SLC6A8: variants seen among roughly 807,000 people sequenced by gnomAD.
The protein encoded by SLC6A8 is solute carrier family 6 member 8.
Under a neutral mutation model 48.3 loss-of-function variants are expected in SLC6A8, and 6 were observed. That is an observed-to-expected ratio of 0.12 (90% confidence interval 0.07 to 0.25). The LOEUF is 0.25. SLC6A8 is among the 10% of genes least tolerant of loss of function. The pLI is 1.00. For missense variants in SLC6A8, 260 were observed against 551.5 expected (o/e 0.47, Z 5.29); for synonymous variants, 245 against 244.0 (o/e 1.00, Z -0.04).
rs2091473846 is a variant in SLC6A8, at chrX:153,694,115, C to T, written c.1255-15C>T. 1.7e-6 allele frequency: 2 copies of T among 1,210,004 alleles called. No individual in the cohort carries two copies. The highest frequency in any genetic ancestry group is 2.2e-6 in the Non-Finnish European group (2 of 894,325). ...AGGGCGGTGCGGGGCTCGGCCTGAG[C>T]TGCCCTGGCCACAGTTTGTAGGTGT... On this transcript the variant is annotated splice_polypyrimidine_tract_variant and intron_variant, in intron 8 of 12. Coordinates refer to ENST00000253122, the MANE Select transcript of SLC6A8 (RefSeq NM_005629.4).
chrX:153,690,892 ACC>A (rs34305716), intron 2 of SLC6A8: 16 of 173,728 alleles, frequency 9.2e-5, no homozygotes, highest in South Asian at 1.9e-4. Flanking sequence ...GCGACTAGAA[ACC>A]CCCCCCCCCC....
intron 1 of SLC6A8, chrX:153,689,462 C>T (rs1255885034): frequency 4.2e-6 from 1 of 240,635 alleles, no homozygotes; most frequent in Non-Finnish European, 5.3e-6. Context: ...CAGCGATGGG[C>T]ACGCGTGTGT....
At chrX:153,690,099 C>G (rs1179604262) in intron 1 of SLC6A8, among the ~76,000 whole-genome samples, 3 of 113,196 alleles carry the variant, frequency 2.7e-5, no homozygotes, top group African/African-American at 9.6e-5. Context: ...TGGCCATCGC[C>G]CCAAGTGACC....
chrX:153,695,029 G>A (rs377157422), intron 12 of SLC6A8, 45 bp from the exon 13 acceptor site: 104 of 1,176,939 alleles, frequency 8.8e-5, no homozygotes, highest in Non-Finnish European at 1.2e-4. Flanking sequence ...CCGTGGGGAC[G>A]AGCAGGTGAC....
intron 2 of SLC6A8, 92 bp from the exon 3 acceptor site, chrX:153,691,212 G>A: frequency 9.8e-7 from 1 of 1,021,385 alleles, no homozygotes; most frequent in South Asian, 2.0e-5. Context: ...GACAGATGGT[G>A]GGAGCACGGC....
intron 4 of SLC6A8, 116 bp from the exon 5 acceptor site, chrX:153,692,925 C>T (rs781791818): frequency 4.1e-6 from 4 of 965,003 alleles, no homozygotes; most frequent in African/African-American, 1.9e-5. Flanking sequence ...AGCCATGGCT[C>T]GGAGGACAAT....
In SLC6A8 at chrX:153,692,877, G is replaced by A. The variant is rs1381788263; in HGVS notation, c.778-164G>A. ...TTCCCCACTGCACTTGGCCAGGGCT[G>A]CCGGGGCGCAGCCTTGCCCCTAGCT... On this transcript the variant is annotated intron_variant, in intron 4 of 12. Transcript: ENST00000253122. The A allele has an allele frequency of 7.4e-6, 5 of 673,084 alleles. No homozygotes were observed. In the South Asian group the frequency reaches 9.4e-5, roughly 13 times the overall value. The allele number at this position is 673,084 out of a possible 1,213,427, so 55.5% of individuals were successfully genotyped here.
chrX:153,691,845 C>A, intron 3 of SLC6A8, 130 bp from the exon 4 acceptor site: 1 of 779,834 alleles, frequency 1.3e-6, no homozygotes, highest in Non-Finnish European at 1.9e-6. Flanking sequence ...CAGGCCCAGC[C>A]CAATTGGACA....
At chrX:153,694,664 G>A (rs2148364583) in intron 11 of SLC6A8, 31 bp downstream of exon 11, 2 of 1,198,853 alleles carry the variant, frequency 1.7e-6, no homozygotes, top group Middle Eastern at 3.1e-4. Flanking sequence ...GGCAGGGCGG[G>A]GGGCGAGGCA....
In SLC6A8 at chrX:153,688,133, G is replaced by C. The variant is rs1174284051; in HGVS notation, c.-442G>C. The stretch of plus-strand genomic sequence containing the variant: ...GGCCCCGGCCGGGGCGGGGGGCGCG[G>C]GCCACAGGCCCCTGCTCCGGCCGCC... On this transcript the variant is annotated 5_prime_UTR_variant, in exon 1 of 13. Transcript: ENST00000253122. 2.0e-5 allele frequency: 2 copies of C among 98,248 alleles called. No homozygotes were observed. Among genetic ancestry groups the C allele is most frequent in the African/African-American group, 7.3e-5 (2 of 27,345 alleles). 8.1% of individuals were successfully genotyped at this position (98,248 alleles called of 1,213,427 possible).
Position 153,688,095 on chromosome X carries a change from G to T in SLC6A8, c.-480G>T. 1 of 100,405 alleles carries T rather than the reference G, an allele frequency of 1.0e-5. No individual in the cohort carries two copies. Among genetic ancestry groups the T allele is most frequent in the South Asian group, 3.3e-4 (1 of 3,030 alleles). The allele number at this position is 100,405 out of a possible 1,213,427, so 8.3% of individuals were successfully genotyped here. A position where few individuals can be genotyped will look rare whatever the true frequency, so the allele number is the denominator to read the frequency against. ...CGCCACCGGAGTCGCGGGCCAGCCG[G>T]GCAGCCTCCGCGGGCCCCGGCCGGG... On this transcript the variant is annotated 5_prime_UTR_variant, in exon 1 of 13. Coordinates refer to ENST00000253122, the MANE Select transcript of SLC6A8 (RefSeq NM_005629.4).
At position 153,694,403 on chromosome X, in the gene SLC6A8, C is replaced by T. The variant is rs376421364; in HGVS notation, c.1452C>T (p.Leu484=). The part of the protein sequence containing the change: ...DYYSASGTTL[L]WQAFWECVVV... ...ACTCGGCCAGCGGCACCACCCTGCT[C>T]TGGCAGGCCTTTTGGGAGTGCGTGG... is the stretch of plus-strand genomic sequence containing the variant. The change falls in exon 10 of 13, where the codon CTC becomes CTT. Residue 484 remains leucine (L), a synonymous_variant. Coordinates refer to ENST00000253122, the MANE Select transcript of SLC6A8 (RefSeq NM_005629.4). The T allele has an allele frequency of 8.3e-7, 1 of 1,210,775 alleles. No individual in the cohort carries two copies. The highest frequency in any genetic ancestry group is 2.2e-5 in the Admixed American group (1 of 46,063).
At chrX:153,689,991 GCA>G (rs1376302419) in intron 1 of SLC6A8, among the ~76,000 whole-genome samples, 1 of 112,661 alleles carries the variant, frequency 8.9e-6, no homozygotes, top group Non-Finnish European at 1.9e-5. Context: ...CCCAGCCTTG[GCA>G]CACATGCACA....
At position 153,688,211 on chromosome X, in the gene SLC6A8, G is replaced by T; in HGVS notation, c.-364G>T. ...CCCGCGCCCCGCTAGGCTGAGCCTC[G>T]GGTCGGGCGAGGAGCCGCCGCAGCC... On this transcript the variant is annotated 5_prime_UTR_variant, in exon 1 of 13. Coordinates refer to ENST00000253122, the MANE Select transcript of SLC6A8 (RefSeq NM_005629.4). The T allele has an allele frequency of 1.0e-5, 1 of 100,470 alleles. No individual in the cohort carries two copies. The highest frequency in any genetic ancestry group is 3.4e-4 in the South Asian group (1 of 2,982). The allele number at this position is 100,470 out of a possible 1,213,427, so 8.3% of individuals were successfully genotyped here. A position where few individuals can be genotyped will look rare whatever the true frequency, so the allele number is the denominator to read the frequency against.
rs1240828742 is a variant in SLC6A8 at position 153,695,875 on chromosome X, T to A, written c.*661T>A. The A allele has an allele frequency of 8.1e-6, 1 of 124,054 alleles. No homozygotes were observed. Among genetic ancestry groups the A allele is most frequent in the African/African-American group, 3.2e-5 (1 of 31,081 alleles). The allele number at this position is 124,054 out of a possible 1,213,427, so 10.2% of individuals were successfully genotyped here. A position where few individuals can be genotyped will look rare whatever the true frequency, so the allele number is the denominator to read the frequency against. On this transcript the variant is annotated 3_prime_UTR_variant, in exon 13 of 13. Transcript: ENST00000253122. ...ATAGATCTCTATCTCTTAGCAAAGG[T>A]GAATGCCAGATGTAAATGGCGCCTC...
Position 153,688,735 on chromosome X carries a change from C to T in SLC6A8, c.161C>T (p.Thr54Ile). The T allele has an allele frequency of 1.8e-6, 2 of 1,137,356 alleles. No homozygotes were observed. Among genetic ancestry groups the T allele is most frequent in the Non-Finnish European group, 2.3e-6 (2 of 855,768 alleles). The allele number at this position is 1,137,356 out of a possible 1,213,427, so 93.7% of individuals were successfully genotyped here. A position where few individuals can be genotyped will look rare whatever the true frequency, so the allele number is the denominator to read the frequency against. ...CGCCTGGCCGTGCCGCCGCGCGAGA[C>T]CTGGACGCGCCAGATGGACTTCATC... is the stretch of plus-strand genomic sequence containing the variant. ...GGRLAVPPRE[T>I]WTRQMDFIMS... Residue 54 changes from threonine (T) to isoleucine (I), a missense_variant, in exon 1 of 13, where the codon ACC becomes ATC. Coordinates refer to ENST00000253122, the MANE Select transcript of SLC6A8 (RefSeq NM_005629.4).
intron 2 of SLC6A8, chrX:153,690,892 A>ACCAC (rs2091451803): frequency 7.2e-6 from 1 of 139,213 alleles, no homozygotes; most frequent in African/African-American, 5.5e-5. Context: ...GCGACTAGAA[A>ACCAC]CCCCCCCCCC....
In SLC6A8 at chrX:153,696,209, G is replaced by A. The variant is rs188836948; in HGVS notation, c.*995G>A. On this transcript the variant is annotated 3_prime_UTR_variant, in exon 13 of 13. Coordinates refer to ENST00000253122, the MANE Select transcript of SLC6A8 (RefSeq NM_005629.4). ...GTGGGGGCCTCGGGGCTGTCCCCACGCTGTCCCTTTGCCACAAGTCTGTGG... is the reference window on the plus strand; with the variant it reads ...GTGGGGGCCTCGGGGCTGTCCCCACACTGTCCCTTTGCCACAAGTCTGTGG... 67 of 265,592 alleles carry A rather than the reference G, an allele frequency of 2.5e-4. No homozygotes were observed. Among genetic ancestry groups the A allele is most frequent in the African/African-American group, 1.1e-3 (38 of 35,984 alleles). 21.9% of individuals were successfully genotyped at this position (265,592 alleles called of 1,213,427 possible).
intron 1 of SLC6A8, chrX:153,689,047 G>A (rs1307603329): frequency 3.9e-5 from 5 of 128,708 alleles, no homozygotes; most frequent in Non-Finnish European, 7.8e-5. Flanking sequence ...ATGGTGGGGG[G>A]AGGGGGCCGG....
Sources: allele counts gnomAD v4.1 joint callset (sites outside exome capture counted in the v4.1 genomes callset), GRCh38; gene constraint gnomAD v4.1.1; transcripts MANE v1.5; gene names NCBI Gene and HGNC (gene_info 2026-07-23, HGNC 2026-07-21).